The following ATE1 variants were observed in gnomAD, a reference collection of about 807,000 sequenced individuals.
ATE1 encodes arginyl-tRNA--protein transferase 1.
ATE1 carries 36 observed loss-of-function variants against 70.5 expected under a neutral mutation model. That is an observed-to-expected ratio of 0.51 (90% confidence interval 0.39 to 0.67). The LOEUF (loss-of-function observed/expected upper bound fraction) is 0.67, where lower values mean the gene tolerates loss of function less well. Ranked by LOEUF, ATE1 falls within the 30% of genes least tolerant of loss-of-function variation. The pLI is 0.00. For missense variants in ATE1, 593 were observed against 629.5 expected (o/e 0.94, Z 0.62); for synonymous variants, 232 against 219.3 (o/e 1.06, Z -0.51).
At chr10:121,837,939 G>A (rs2133761573) in intron 9 of ATE1, among the ~76,000 whole-genome samples, 1 of 152,154 alleles carries the variant, frequency 6.6e-6, no homozygotes, top group South Asian at 2.1e-4. Flanking sequence ...CCTCTCTCCG[G>A]ATTTGTTCTG....
intron 8 of ATE1, among the ~76,000 whole-genome samples, chr10:121,845,231 GTAAAAA>G: frequency 6.6e-6 from 1 of 152,294 alleles, no homozygotes; most frequent in South Asian, 2.1e-4. Flanking sequence ...TACAGTGACA[GTAAAAA>G]GATTAGTGTT....
intron 11 of ATE1, among the ~76,000 whole-genome samples, chr10:121,788,073 TCAG>T (rs1946285805): frequency 6.6e-6 from 1 of 152,206 alleles, no homozygotes; most frequent in Admixed American, 6.5e-5. Flanking sequence ...AGTAAGATGT[TCAG>T]CAGTTTTCAT....
chr10:121,831,236 G>A (rs1407094966), intron 10 of ATE1, among the ~76,000 whole-genome samples: 1 of 152,070 alleles, frequency 6.6e-6, no homozygotes, highest in Non-Finnish European at 1.5e-5. Context: ...CCTAACATTT[G>A]GATTTCTTGG....
chr10:121,812,325 A>G (rs1947357833), intron 10 of ATE1, among the ~76,000 whole-genome samples: 1 of 152,136 alleles, frequency 6.6e-6, no homozygotes, highest in Admixed American at 6.5e-5. Context: ...CAAATACCAC[A>G]CAGGAAAAAT....
intron 10 of ATE1, among the ~76,000 whole-genome samples, chr10:121,802,328 T>A (rs1590339898): frequency 1.4e-5 from 2 of 143,440 alleles, no homozygotes; most frequent in African/African-American, 5.2e-5. Context: ...TTTTTTTTTT[T>A]AAGAGAATCT....
chr10:121,925,229 T>C (rs532611711), intron 1 of ATE1, among the ~76,000 whole-genome samples: 1 of 152,234 alleles, frequency 6.6e-6, no homozygotes, highest in Non-Finnish European at 1.5e-5. Context: ...GAGACCAGCC[T>C]GGCCAACATG....
chr10:121,914,433 T>C (rs1951562432), intron 3 of ATE1, among the ~76,000 whole-genome samples: 1 of 151,214 alleles, frequency 6.6e-6, no homozygotes, highest in African/African-American at 2.4e-5. Context: ...ACAGAAGTGT[T>C]AGAAGCTGGA....
intron 7 of ATE1, among the ~76,000 whole-genome samples, chr10:121,888,626 T>A (rs761972487): frequency 6.6e-6 from 1 of 152,152 alleles, no homozygotes; most frequent in Non-Finnish European, 1.5e-5. Context: ...AGCATTTCTA[T>A]TGGGCACACA....
chr10:121,903,329 C>T (rs767600710), intron 5 of ATE1, among the ~76,000 whole-genome samples: 34 of 152,152 alleles, frequency 2.2e-4, no homozygotes, highest in Non-Finnish European at 4.6e-4. Flanking sequence ...TCTCTGAAAG[C>T]ACTGGTAACA....
chr10:121,878,373 G>GC (rs1448901259), intron 7 of ATE1, among the ~76,000 whole-genome samples: 16 of 152,090 alleles, frequency 1.1e-4, no homozygotes, highest in African/African-American at 3.4e-4. Flanking sequence ...CGGGTAGACT[G>GC]CTTGAGGCCA....
rs920815494 is a variant in ATE1 at position 121,743,627 on chromosome 10, C to G, written c.*53G>C. The G allele has an allele frequency of 5.3e-6, 8 of 1,510,418 alleles. No individual in the cohort carries two copies. In the African/African-American group the frequency reaches 1.1e-4, roughly 21 times the overall value. The allele number at this position is 1,510,418 out of a possible 1,614,324, so 93.6% of individuals were successfully genotyped here. ...TTCCCCACAGGTACTGAATATGTAT[C>G]CTGGCACAAATCATCAGCACAACAC... On this transcript the variant is annotated 3_prime_UTR_variant, in exon 12 of 12. Transcript: ENST00000224652.
chr10:121,868,684 C>T (rs548900563), intron 8 of ATE1, among the ~76,000 whole-genome samples: 9 of 152,162 alleles, frequency 5.9e-5, no homozygotes, highest in East Asian at 3.9e-4. Context: ...ATGACTTGCC[C>T]GTGGGCTACT....
chr10:121,743,830 G>T lies in ATE1; in HGVS notation c.1407C>A (p.Asp469Glu). ...AVDEDRSTEP[D>E]RLQVFHKRAI... is the part of the protein sequence containing the mutation. ...CTCTCTTGTGAAACACCTGCAATCGGTCAGGTTCCGTACTGCGATCCTCAT... is the reference window on the plus strand; with the variant it reads ...CTCTCTTGTGAAACACCTGCAATCGTTCAGGTTCCGTACTGCGATCCTCAT... The change falls in exon 12 of 12, where the codon GAC becomes GAA. Residue 469 changes from aspartate to glutamate, a missense_variant. By Grantham distance (45) the Asp-to-Glu change is conservative. Coordinates refer to ENST00000224652, the MANE Select transcript of ATE1 (RefSeq NM_001001976.3). 6.2e-7 allele frequency: 1 copy of T among 1,613,218 alleles called. No homozygotes were observed. The highest frequency in any genetic ancestry group is 8.5e-7 in the Non-Finnish European group (1 of 1,179,814).
chr10:121,751,244 T>C (rs1944566634), intron 11 of ATE1, among the ~76,000 whole-genome samples: 1 of 152,260 alleles, frequency 6.6e-6, no homozygotes, highest in Non-Finnish European at 1.5e-5. Context: ...TTGTAAAATG[T>C]CATTTAATAA....
At chr10:121,869,020 A>G (rs747341250) in intron 8 of ATE1, among the ~76,000 whole-genome samples, 13 of 152,236 alleles carry the variant, frequency 8.5e-5, no homozygotes, top group Non-Finnish European at 1.8e-4. Context: ...CATAAAATGA[A>G]ATAAACAATA....
At chr10:121,771,834 G>A (rs554431507) in intron 11 of ATE1, among the ~76,000 whole-genome samples, 31 of 152,238 alleles carry the variant, frequency 2.0e-4, no homozygotes, top group African/African-American at 7.2e-4. Flanking sequence ...GAAAATGCAC[G>A]TGACATTCAT....
intron 5 of ATE1, among the ~76,000 whole-genome samples, chr10:121,904,011 G>T (rs940775133): frequency 6.7e-6 from 1 of 148,840 alleles, no homozygotes; most frequent in African/African-American, 2.5e-5. Context: ...ACAGAGTCTC[G>T]CTCTGTCACC....
chr10:121,781,254 A>G (rs1031402861), intron 11 of ATE1, among the ~76,000 whole-genome samples: 4 of 152,012 alleles, frequency 2.6e-5, no homozygotes, highest in African/African-American at 7.2e-5. Context: ...TGCCGCAACT[A>G]TGGTGCCGTC....
Position 121,927,960 on chromosome 10 carries a change from C to T in ATE1, c.-11G>A, listed in dbSNP as rs753527670. The stretch of plus-strand genomic sequence containing the variant: ...CGCCCAGAAAGCCATGGCCTCGGCC[C>T]CGCGAACGCTCAGCCGCCCGGCCCC... On this transcript the variant is annotated 5_prime_UTR_variant, in exon 1 of 12. Coordinates refer to ENST00000224652, the MANE Select transcript of ATE1 (RefSeq NM_001001976.3). 6.6e-7 allele frequency: 1 copy of T among 1,525,016 alleles called. No individual in the cohort carries two copies. The highest frequency in any genetic ancestry group is 2.7e-5 in the East Asian group (1 of 36,718). 94.5% of individuals were successfully genotyped at this position (1,525,016 alleles called of 1,614,324 possible). A position where few individuals can be genotyped will look rare whatever the true frequency, so the allele number is the denominator to read the frequency against.
Sources: gnomAD v4.1 joint callset for allele counts (sites outside exome capture counted in the v4.1 genomes callset) on GRCh38, gnomAD v4.1.1 for gene constraint, MANE v1.5 for transcripts, NCBI Gene and HGNC (gene_info 2026-07-23, HGNC 2026-07-21) for gene names.